The following SEMA4B variants were observed in gnomAD, a reference collection of about 807,000 sequenced individuals.
SEMA4B encodes the protein semaphorin-4B.
SEMA4B carries 55 observed loss-of-function variants against 88.1 expected under a neutral mutation model. The ratio of observed to expected loss-of-function variants is 0.62; its 90% CI spans 0.50 to 0.78. SEMA4B has a LOEUF of 0.78. Ranked by LOEUF, SEMA4B falls within the 30% of genes least tolerant of loss-of-function variation. The pLI, the probability that SEMA4B is intolerant of heterozygous loss-of-function variation, is 0.00. For missense variants in SEMA4B, 1,062 were observed against 1,111.9 expected (o/e 0.96, Z 0.64); for synonymous variants, 525 against 473.6 (o/e 1.11, Z -1.41).
upstream of SEMA4B, among the ~76,000 whole-genome samples, chr15:90,196,632 G>A (rs1960517235): frequency 6.6e-6 from 1 of 152,028 alleles, no homozygotes; most frequent in Non-Finnish European, 1.5e-5. Flanking sequence ...GACTACAGGT[G>A]CGTGCCACCA....
intron 4 of SEMA4B, chr15:90,220,143 G>A (rs911021100): frequency 6.5e-6 from 3 of 461,566 alleles, no homozygotes; most frequent in African/African-American, 4.0e-5. Context: ...GTGCCACCCA[G>A]GCCTTGCTGC....
chr15:90,215,113 G>A (rs1339895304), intron 1 of SEMA4B: 1 of 520,652 alleles, frequency 1.9e-6, no homozygotes, highest in Non-Finnish European at 2.6e-6. Flanking sequence ...CTCTTTGCTT[G>A]TTTTTGTGTT....
intron 1 of SEMA4B, among the ~76,000 whole-genome samples, chr15:90,203,768 G>T (rs1024187945): frequency 3.9e-5 from 6 of 152,162 alleles, no homozygotes; most frequent in African/African-American, 1.4e-4. Context: ...TCCACACTCA[G>T]CTCTCCAACC....
intron 7 of SEMA4B, among the ~76,000 whole-genome samples, chr15:90,223,016 G>T (rs1160471621): frequency 1.4e-5 from 2 of 147,696 alleles, no homozygotes; most frequent in Non-Finnish European, 3.0e-5. Flanking sequence ...TGTCATCCAG[G>T]CTGGTGTGCA....
chr15:90,202,751 T>C (rs1042373762), intron 1 of SEMA4B, among the ~76,000 whole-genome samples: 1 of 152,238 alleles, frequency 6.6e-6, no homozygotes, highest in Non-Finnish European at 1.5e-5. Context: ...TTGGTTGTCA[T>C]ATTGTATGAC....
intron 1 of SEMA4B, among the ~76,000 whole-genome samples, chr15:90,195,732 C>T (rs1178000743): frequency 3.3e-5 from 5 of 151,948 alleles, no homozygotes; most frequent in African/African-American, 1.2e-4. Flanking sequence ...GCCTCACCCC[C>T]CGAAGTAGCT....
rs902581456 is a variant in SEMA4B at position 90,212,063 on chromosome 15, C to A, written c.158-5376C>A. Among the ~76,000 whole-genome samples the A allele has an allele frequency of 6.6e-6, 1 of 152,112 alleles. No individual in the cohort carries two copies. Among genetic ancestry groups the A allele is most frequent in the African/African-American group, 2.4e-5 (1 of 41,400 alleles). ...CTGTCTCACCCCAGAGAGCTCCAGG[C>A]TTCCGGCTGAGTCACAGGGAAGGAG... On this transcript the variant is annotated intron_variant, in intron 1 of 13. Coordinates refer to ENST00000411539, the MANE Select transcript of SEMA4B (RefSeq NM_198925.4). This position sits in a 1 kb window ranked among gnomAD's most constrained non-coding sequence, Gnocchi z 4.0.
rs762674729 is a variant in SEMA4B, at chr15:90,223,561, C to A, written c.864C>A (p.Gly288=). ...AGCCCATCCGACTCTCCCTCCAGGG[C>A]GATGAGGGTGGAGAGCGGGTGCTAC... ...IVSRIARICK[G]DEGGERVLQQ... is the part of the protein sequence containing the mutation. The change falls in exon 8 of 14, where the codon GGC becomes GGA. Residue 288 remains glycine, a splice_region_variant and synonymous_variant. Coordinates refer to ENST00000411539, the MANE Select transcript of SEMA4B (RefSeq NM_198925.4). 2.5e-6 allele frequency: 4 copies of A among 1,584,084 alleles called. No homozygotes were observed. Among genetic ancestry groups the A allele is most frequent in the Non-Finnish European group, 3.4e-6 (4 of 1,162,654 alleles).
At chr15:90,208,842 A>G (rs908112693) in intron 1 of SEMA4B, among the ~76,000 whole-genome samples, 2 of 151,674 alleles carry the variant, frequency 1.3e-5, no homozygotes, top group Non-Finnish European at 2.9e-5. Flanking sequence ...CCCAGGCTTA[A>G]GCGATCTTCC....
At chr15:90,218,964 G>C (rs910678308) in intron 3 of SEMA4B, among the ~76,000 whole-genome samples, 6 of 152,180 alleles carry the variant, frequency 3.9e-5, no homozygotes, top group African/African-American at 1.4e-4. Flanking sequence ...AGGAGGGGCA[G>C]GACTTTTGAT....
intron 1 of SEMA4B, among the ~76,000 whole-genome samples, chr15:90,188,550 C>A (rs1185398142): frequency 6.6e-6 from 1 of 151,982 alleles, no homozygotes; most frequent in Admixed American, 6.6e-5. Context: ...GTTGCTGGAA[C>A]CTGGGAGGCG....
intron 1 of SEMA4B, chr15:90,206,578 GGAA>G (rs1961000118): frequency 1.9e-6 from 1 of 526,400 alleles, no homozygotes; most frequent in Non-Finnish European, 3.5e-6. Context: ...CCATGGCCGA[GGAA>G]GGCATTGCTG....
intron 1 of SEMA4B, among the ~76,000 whole-genome samples, chr15:90,188,905 G>A (rs1004408054): frequency 3.9e-5 from 6 of 151,982 alleles, no homozygotes; most frequent in Non-Finnish European, 5.9e-5. Context: ...TCCTGACCTC[G>A]TGATCCGCCC....
intron 1 of SEMA4B, among the ~76,000 whole-genome samples, chr15:90,201,987 C>G (rs991672771): frequency 1.3e-5 from 2 of 152,252 alleles, no homozygotes; most frequent in African/African-American, 4.8e-5. Context: ...GTCGTCCCCC[C>G]TAGTTCCCTT....
chr15:90,220,836 C>T (rs915287011), intron 4 of SEMA4B, 146 bp from the exon 5 acceptor site: 16 of 622,146 alleles, frequency 2.6e-5, no homozygotes, highest in Admixed American at 7.3e-5. Flanking sequence ...CTGAGGAGGA[C>T]GGCGTCCCTG....
chr15:90,215,023 T>C (rs1961465018), intron 1 of SEMA4B: 1 of 1,254,406 alleles, frequency 8.0e-7, no homozygotes, highest in African/African-American at 1.5e-5. Flanking sequence ...CACTTTTTGC[T>C]TCCTCAGCTT....
rs1236692853 is a variant in SEMA4B at position 90,201,450 on chromosome 15, C to A, written c.-129C>A. On this transcript the variant is annotated 5_prime_UTR_variant, in exon 1 of 14. Transcript: ENST00000411539. ...ACTTGACCCTGTTTCCCACCTCCCG[C>A]CCCCCAGGTCCGGAGGCGGGGGCCC... is the stretch of plus-strand genomic sequence containing the variant. The A allele has an allele frequency of 1.5e-6, 2 of 1,298,090 alleles. No homozygotes were observed. The highest frequency in any genetic ancestry group is 1.6e-5 in the African/African-American group (1 of 64,200). 80.4% of individuals were successfully genotyped at this position (1,298,090 alleles called of 1,614,324 possible).
At chr15:90,227,445 G>C (rs1567063713) in intron 12 of SEMA4B, 112 bp from the exon 13 acceptor site, 1 of 787,460 alleles carries the variant, frequency 1.3e-6, no homozygotes, top group East Asian at 2.6e-5. Flanking sequence ...CCTGTGGGTG[G>C]GGAATCAGCT....
Position 90,228,226 on chromosome 15 carries a change from T to G in SEMA4B, c.2097T>G (p.Ser699Arg). ...TCATTATCAGCACATCGCGTGTGAG[T>G]GCACCAGCTGGTGGCAAGGCCAGCT... ...VPVIISTSRV[S>R]APAGGKASWG... Residue 699 changes from serine to arginine, a missense_variant, in exon 14 of 14, where the codon AGT (serine) becomes AGG (arginine). Coordinates refer to ENST00000411539, the MANE Select transcript of SEMA4B (RefSeq NM_198925.4). 1.2e-6 allele frequency: 2 copies of G among 1,605,134 alleles called. No homozygotes were observed. The highest frequency in any genetic ancestry group is 1.7e-6 in the Non-Finnish European group (2 of 1,175,330).
Sources: gnomAD v4.1 joint callset for allele counts (sites outside exome capture counted in the v4.1 genomes callset) on GRCh38, gnomAD v4.1.1 for gene constraint, Gnocchi (gnomAD v3.1) non-coding constraint, MANE v1.5 for transcripts, NCBI Gene and HGNC (gene_info 2026-07-23, HGNC 2026-07-21) for gene names.